Variants in DTNA observed in about 807,000 individuals in gnomAD.
DTNA encodes the protein dystrobrevin alpha.
Under a neutral mutation model 100.7 loss-of-function variants are expected in DTNA, and 43 were observed. The observed-to-expected ratio is 0.43, with a 90% CI of 0.33 to 0.55. DTNA has a LOEUF of 0.55. Among genes scored for constraint, DTNA ranks in the 20% least tolerant of loss-of-function variants. The pLI, the probability that DTNA is intolerant of heterozygous loss-of-function variation, is 0.04. For missense variants in DTNA, 798 were observed against 953.9 expected (o/e 0.84, Z 2.15); for synonymous variants, 349 against 347.9 (o/e 1.00, Z -0.04).
At chr18:34,497,555 G>A (rs540985388) in intron 1 of DTNA, among the ~76,000 whole-genome samples, 8 of 152,160 alleles carry the variant, frequency 5.3e-5, no homozygotes, top group African/African-American at 1.9e-4. Flanking sequence ...TTAAGACAAA[G>A]GATTCTGATT....
rs986017234 is a variant in DTNA, at chr18:34,766,677, A to T, written c.148+636A>T. 2.7e-4 allele frequency among the ~76,000 whole-genome samples: 41 copies of T among 152,200 alleles called. 1 individual carries two copies. The highest frequency in any genetic ancestry group is 2.9e-5 in the Non-Finnish European group (2 of 68,038). On this transcript the variant is annotated intron_variant, in intron 3 of 22. Transcript: ENST00000444659. ...CCCTAAAACTTAAAGTGTAATAATA[A>T]TAAAATAAAATAAAAATGGTTTCCA...
chr18:34,827,488 A>G, intron 9 of DTNA, 105 bp from the exon 10 acceptor site: 1 of 1,011,994 alleles, frequency 9.9e-7, no homozygotes, highest in Non-Finnish European at 1.6e-6. Context: ...TGGGAAAGGT[A>G]GAACCCAGAT....
chr18:34,859,077 C>T (rs2096586282), intron 16 of DTNA, among the ~76,000 whole-genome samples: 1 of 152,162 alleles, frequency 6.6e-6, no homozygotes, highest in African/African-American at 2.4e-5. Flanking sequence ...TCTCTAATAT[C>T]TTTCTTTATA....
chr18:34,651,628 A>G (rs1424905858), intron 1 of DTNA, among the ~76,000 whole-genome samples: 2 of 152,234 alleles, frequency 1.3e-5, no homozygotes, highest in Non-Finnish European at 2.9e-5. Context: ...CTCTGCATTT[A>G]TAGGGCCTAC....
intron 1 of DTNA, among the ~76,000 whole-genome samples, chr18:34,611,309 C>T (rs2054164435): frequency 1.3e-5 from 2 of 152,108 alleles, no homozygotes; most frequent in Admixed American, 1.3e-4. Flanking sequence ...AACTCTAGTG[C>T]AAATCCCTTT....
chr18:34,780,698 C>G (rs1250470297), intron 3 of DTNA, among the ~76,000 whole-genome samples: 1 of 152,156 alleles, frequency 6.6e-6, no homozygotes, highest in Non-Finnish European at 1.5e-5. Flanking sequence ...CAGGAATAGA[C>G]AGAGACTTTA....
intron 1 of DTNA, among the ~76,000 whole-genome samples, chr18:34,546,447 A>G (rs1333843653): frequency 6.6e-6 from 1 of 152,142 alleles, no homozygotes; most frequent in Non-Finnish European, 1.5e-5. Flanking sequence ...AAGAGTCTCA[A>G]AGATTAATTC....
chr18:34,536,357 G>T (rs1047007527), intron 1 of DTNA, among the ~76,000 whole-genome samples: 2 of 151,714 alleles, frequency 1.3e-5, no homozygotes, highest in Non-Finnish European at 2.9e-5. Flanking sequence ...GCCTTTCTGC[G>T]AAATGGTTTT....
At chr18:34,783,479 C>T (rs11659629) in intron 3 of DTNA, among the ~76,000 whole-genome samples, 21,469 of 152,132 alleles carry the variant, frequency 0.14, 1,599 homozygotes, top group African/African-American at 0.17. Flanking sequence ...CTCTGTAAGA[C>T]ATGATGCTTC....
chr18:34,835,616 A>G (rs1277464895), intron 11 of DTNA, among the ~76,000 whole-genome samples: 4 of 152,132 alleles, frequency 2.6e-5, no homozygotes, highest in Non-Finnish European at 5.9e-5. Flanking sequence ...AGTCCGGCCT[A>G]TCGCCCCCTT....
At chr18:34,684,189 T>G (rs1324990911) in intron 1 of DTNA, among the ~76,000 whole-genome samples, 1 of 152,084 alleles carries the variant, frequency 6.6e-6, no homozygotes, top group Non-Finnish European at 1.5e-5. Flanking sequence ...GGGATACATA[T>G]GCAGAACGTG....
chr18:34,599,839 AG>A (rs879788761), intron 1 of DTNA, among the ~76,000 whole-genome samples: 1 of 152,002 alleles, frequency 6.6e-6, no homozygotes, highest in Non-Finnish European at 1.5e-5. Context: ...CACCACGCCT[AG>A]CTAATTTTTT....
chr18:34,751,006 C>G (rs748142558), intron 1 of DTNA, among the ~76,000 whole-genome samples: 1 of 152,160 alleles, frequency 6.6e-6, no homozygotes, highest in Non-Finnish European at 1.5e-5. Context: ...TTATTTTATC[C>G]TTCCCCATAC....
intron 4 of DTNA, among the ~76,000 whole-genome samples, chr18:34,796,891 C>G (rs541356842): frequency 1.1e-3 from 174 of 152,268 alleles, no homozygotes; most frequent in African/African-American, 3.9e-3. Flanking sequence ...GAGAGCCAGA[C>G]TTACCTTCGC....
chr18:34,556,528 T>C (rs1038425684), intron 1 of DTNA, among the ~76,000 whole-genome samples: 2 of 152,176 alleles, frequency 1.3e-5, no homozygotes, highest in Non-Finnish European at 2.9e-5. Context: ...CTTTCCATGT[T>C]TAGTGCTTCC....
chr18:34,782,507 C>G (rs1024269169), intron 3 of DTNA, among the ~76,000 whole-genome samples: 1 of 152,106 alleles, frequency 6.6e-6, no homozygotes, highest in Non-Finnish European at 1.5e-5. Flanking sequence ...GTGAAGTGCT[C>G]TGGGAGCAAC....
In DTNA at chr18:34,505,505, T is replaced by G. The variant is rs377559418; in HGVS notation, c.-2+11991T>G. 3.9e-5 allele frequency among the ~76,000 whole-genome samples: 6 copies of G among 152,324 alleles called. No homozygotes were observed. The East Asian group carries it at 7.7e-4, about 20-fold the overall frequency. On this transcript the variant is annotated intron_variant, in intron 1 of 19. Transcript: ENST00000283365. The stretch of plus-strand genomic sequence containing the variant: ...TACCACACACAGGTTTCTGAGGCTT[T>G]CTTTCTCTCTCTTTTTATTCTCTAA...
In DTNA at chr18:34,811,944, T is replaced by G. The variant is rs1361070990; in HGVS notation, c.449-15T>G. 6.2e-7 allele frequency: 1 copy of G among 1,613,788 alleles called. No homozygotes were observed. The highest frequency in any genetic ancestry group is 1.7e-5 in the Admixed American group (1 of 60,000). On this transcript the variant is annotated splice_polypyrimidine_tract_variant and intron_variant, in intron 5 of 22. Transcript: ENST00000444659. ...TTCATGTGATGAATAATATCTTTCC[T>G]TTTCCTTTCATCAGATATTTTCTCA...
At chr18:34,852,177 C>T (rs2096489495) in intron 15 of DTNA, among the ~76,000 whole-genome samples, 1 of 152,158 alleles carries the variant, frequency 6.6e-6, no homozygotes, top group Non-Finnish European at 1.5e-5. Context: ...TGTTGCCCCT[C>T]TAGACGGTCT....
Sources: allele counts gnomAD v4.1 joint callset (sites outside exome capture counted in the v4.1 genomes callset), GRCh38; gene constraint gnomAD v4.1.1; transcripts MANE v1.5; gene names NCBI Gene and HGNC (gene_info 2026-07-23, HGNC 2026-07-21).